The following KATNA1 variants were observed in gnomAD, a reference collection of about 807,000 sequenced individuals.
KATNA1 encodes katanin p60 ATPase-containing subunit A1.
In KATNA1, 42 loss-of-function variants were observed where a neutral mutation model predicts 62.6. The ratio of observed to expected loss-of-function variants is 0.67; its 90% CI spans 0.52 to 0.87. KATNA1 has a LOEUF of 0.87. Among genes scored for constraint, KATNA1 ranks in the 40% least tolerant of loss-of-function variants. The pLI is 0.00. For missense variants in KATNA1, 498 were observed against 612.5 expected, an observed-to-expected ratio of 0.81 and a Z score of 1.97; for synonymous variants, 186 against 201.9, an observed-to-expected ratio of 0.92 and a Z score of 0.67.
chr6:149,647,775 G>A (rs991273388), intron 1 of KATNA1, among the ~76,000 whole-genome samples: 16 of 152,254 alleles, frequency 1.1e-4, no homozygotes, highest in African/African-American at 3.1e-4. Context: ...CAAGAGAAAA[G>A]AGCATCACTG....
intron 1 of KATNA1, among the ~76,000 whole-genome samples, chr6:149,643,847 ATT>A (rs200752597): frequency 6.8e-6 from 1 of 146,930 alleles, no homozygotes; most frequent in African/African-American, 2.5e-5. Context: ...ATATATATAT[ATT>A]TTTTTTTTGG....
At chr6:149,614,833 A>G (rs1779099719) in intron 4 of KATNA1, among the ~76,000 whole-genome samples, 1 of 152,194 alleles carries the variant, frequency 6.6e-6, no homozygotes, top group South Asian at 2.1e-4. Flanking sequence ...AAAACATTTC[A>G]CTGCAAAAAC....
At chr6:149,628,201 C>A (rs1301003407) in intron 3 of KATNA1, among the ~76,000 whole-genome samples, 5 of 151,246 alleles carry the variant, frequency 3.3e-5, no homozygotes, top group Non-Finnish European at 5.9e-5. Context: ...GGGTTCACGC[C>A]ATTCTCCTGC....
chr6:149,595,241 T>TTTAAG lies in KATNA1; in HGVS notation c.1278-12_1278-8dup. 3 of 1,609,578 alleles carry TTTAAG rather than the reference T, an allele frequency of 1.9e-6. No individual in the cohort carries two copies. The highest frequency in any genetic ancestry group is 2.5e-6 in the Non-Finnish European group (3 of 1,177,022). ...TGCCATCAAGGACGCATCCCTAGGT[T>TTTAAG]TTAAGTTAAAAACAACAACAACACA... On this transcript the variant is annotated splice_polypyrimidine_tract_variant and splice_region_variant and intron_variant, in intron 10 of 10. Coordinates refer to ENST00000367411, the MANE Select transcript of KATNA1 (RefSeq NM_007044.4).
At position 149,597,083 on chromosome 6, in the gene KATNA1, C is replaced by T. The variant is rs760553183; in HGVS notation, c.1257G>A (p.Ala419=). 42 of 1,613,952 alleles carry T rather than the reference C, an allele frequency of 2.6e-5. No individual in the cohort carries two copies. Among genetic ancestry groups the T allele is most frequent in the Middle Eastern group, 1.6e-4 (1 of 6,084 alleles). Residue 419 remains alanine, a synonymous_variant, in exon 10 of 11, where the codon GCG becomes GCA. Transcript: ENST00000367411. ...CATACCTGCACACGTTGGTAATGTC[C>T]GCACCTGAATAACCTTCCATGTTTT... The part of the protein sequence containing the change: ...IAENMEGYSG[A]DITNVCRDAS...
chr6:149,629,407 C>G (rs904050566), intron 3 of KATNA1, among the ~76,000 whole-genome samples: 1 of 152,056 alleles, frequency 6.6e-6, no homozygotes, highest in African/African-American at 2.4e-5. Context: ...GAGCCCTCAC[C>G]TGGAACCAAA....
intron 4 of KATNA1, among the ~76,000 whole-genome samples, chr6:149,606,460 A>G (rs768428495): frequency 3.9e-5 from 6 of 152,122 alleles, no homozygotes; most frequent in East Asian, 1.9e-4. Flanking sequence ...TCCTTTGCCA[A>G]CTGGTGCTGT....
intron 4 of KATNA1, among the ~76,000 whole-genome samples, chr6:149,612,044 C>T (rs183542796): frequency 6.6e-6 from 1 of 152,142 alleles, no homozygotes; most frequent in Non-Finnish European, 1.5e-5. Context: ...ATGCTACATA[C>T]ATAAATTTGA....
chr6:149,598,308 C>CT lies in KATNA1; in HGVS notation c.930dup (p.Asp311ArgfsTer5), dbSNP rs751406886. 6.2e-6 allele frequency: 10 copies of CT among 1,613,720 alleles called. No individual in the cohort carries two copies. The highest frequency in any genetic ancestry group is 8.5e-6 in the Non-Finnish European group (10 of 1,179,844). On this transcript the variant is annotated frameshift_variant, in exon 8 of 11. Transcript: ENST00000367411. LOFTEE classifies it high-confidence loss of function. ...GTCCCTCGGCGACTACAGATGGAGT[C>CT]TATCTCATCAATAAATATGGTGGCT...
intron 8 of KATNA1, among the ~76,000 whole-genome samples, 158 bp from the exon 9 acceptor site, chr6:149,597,799 A>C (rs968527518): frequency 4.6e-5 from 7 of 152,222 alleles, no homozygotes; most frequent in African/African-American, 1.7e-4. Context: ...ACCTATGTGA[A>C]TTTGTAATCC....
intron 3 of KATNA1, among the ~76,000 whole-genome samples, chr6:149,629,296 A>G (rs1465544439): frequency 1.3e-5 from 2 of 152,156 alleles, no homozygotes; most frequent in African/African-American, 2.4e-5. Flanking sequence ...TATGAATATT[A>G]GGAGTAAGGA....
intron 4 of KATNA1, among the ~76,000 whole-genome samples, chr6:149,618,236 G>C (rs1357301421): frequency 6.6e-5 from 10 of 151,434 alleles, no homozygotes; most frequent in African/African-American, 2.2e-4. Flanking sequence ...CCAGCACTTT[G>C]GGAGGTTGAG....
intron 4 of KATNA1, among the ~76,000 whole-genome samples, chr6:149,617,479 C>G (rs1779205631): frequency 6.6e-6 from 1 of 152,178 alleles, no homozygotes. Flanking sequence ...TAAAAGCTAA[C>G]AAGACATATA....
intron 4 of KATNA1, among the ~76,000 whole-genome samples, chr6:149,620,479 A>T (rs1779352329): frequency 6.6e-6 from 1 of 152,064 alleles, no homozygotes; most frequent in Non-Finnish European, 1.5e-5. Context: ...TTTTTAGTAG[A>T]GACAGTGTTT....
At chr6:149,608,798 C>T (rs765916120) in intron 4 of KATNA1, among the ~76,000 whole-genome samples, 14 of 152,294 alleles carry the variant, frequency 9.2e-5, no homozygotes, top group African/African-American at 1.4e-4. Flanking sequence ...GAACTTCCAC[C>T]GCAGCTCAGC....
intron 4 of KATNA1, among the ~76,000 whole-genome samples, 180 bp downstream of exon 4, chr6:149,622,923 T>A (rs1416443594): frequency 6.6e-6 from 1 of 151,904 alleles, no homozygotes; most frequent in Non-Finnish European, 1.5e-5. Flanking sequence ...GTATGAGAAT[T>A]GCTTGAACCC....
intron 1 of KATNA1, among the ~76,000 whole-genome samples, chr6:149,642,809 G>A (rs1429894325): frequency 2.0e-5 from 3 of 152,224 alleles, no homozygotes; most frequent in African/African-American, 2.4e-5. Flanking sequence ...TGGAAGGTGA[G>A]GAGGAAAATA....
At chr6:149,598,780 G>T (rs531995734) in intron 7 of KATNA1, among the ~76,000 whole-genome samples, 1 of 152,236 alleles carries the variant, frequency 6.6e-6, no homozygotes, top group Admixed American at 6.5e-5. Context: ...CTGCCACACT[G>T]TGCATCTTTC....
At chr6:149,598,049 A>C in intron 8 of KATNA1, 175 bp downstream of exon 8, 1 of 634,178 alleles carries the variant, frequency 1.6e-6, no homozygotes, top group South Asian at 2.3e-5. Context: ...CAGTGTACCA[A>C]ATCTATTACT....
Sources: allele counts gnomAD v4.1 joint callset (sites outside exome capture counted in the v4.1 genomes callset), GRCh38; gene constraint gnomAD v4.1.1; transcripts MANE v1.5; gene names NCBI Gene and HGNC (gene_info 2026-07-23, HGNC 2026-07-21).